CACNA2D1: variants seen among roughly 807,000 people sequenced by gnomAD.
CACNA2D1 encodes the protein voltage-dependent calcium channel subunit alpha-2/delta-1.
Under a neutral mutation model 171.5 loss-of-function variants are expected in CACNA2D1, and 53 were observed. The ratio of observed to expected loss-of-function variants is 0.31; its 90% CI spans 0.25 to 0.39. The LOEUF (loss-of-function observed/expected upper bound fraction) is 0.39, where lower values mean the gene tolerates loss of function less well. Ranked by LOEUF, CACNA2D1 falls within the 10% of genes least tolerant of loss-of-function variation. The pLI is 1.00. For synonymous variants in CACNA2D1, 442 were observed against 443.1 expected (o/e 1.00, Z 0.03); for missense variants, 903 against 1,299.8 (o/e 0.69, Z 4.69).
chr7:82,025,893 A>C (rs1211618008), intron 12 of CACNA2D1, among the ~76,000 whole-genome samples: 5 of 151,770 alleles, frequency 3.3e-5, no homozygotes, highest in Non-Finnish European at 3.0e-5. Flanking sequence ...CAAGCTTTCT[A>C]GTATTATTGT....
Position 82,137,005 on chromosome 7 carries a change from T to A in CACNA2D1, c.355-329A>T, listed in dbSNP as rs145499339. Among the ~76,000 whole-genome samples, 944 of 152,272 alleles carry A rather than the reference T, an allele frequency of 6.2e-3. 11 individuals are homozygous for A. The highest frequency in any genetic ancestry group is 0.022 in the African/African-American group (906 of 41,552). On this transcript the variant is annotated intron_variant, in intron 4 of 38. Transcript: ENST00000356860. Reference sequence around the variant, plus strand: ...ATATATTAATACACAATGAACAGGATAATTCAAGAAGCATGTAAGATACGT... The same window carrying A: ...ATATATTAATACACAATGAACAGGAAAATTCAAGAAGCATGTAAGATACGT...
chr7:82,283,598 A>C (rs74519326), intron 3 of CACNA2D1, among the ~76,000 whole-genome samples: 8,084 of 152,204 alleles, frequency 0.053, 709 homozygotes, highest in African/African-American at 0.18. Context: ...TAGGAGTAAA[A>C]ATGATATGGT....
intron 6 of CACNA2D1, among the ~76,000 whole-genome samples, chr7:82,088,234 T>C (rs1399847494): frequency 1.3e-5 from 2 of 152,184 alleles, no homozygotes; most frequent in Admixed American, 1.3e-4. Flanking sequence ...TTCTCTATTC[T>C]TAGACAGTAT....
At chr7:82,266,598 C>A (rs1214978381) in intron 3 of CACNA2D1, among the ~76,000 whole-genome samples, 1 of 150,700 alleles carries the variant, frequency 6.6e-6, no homozygotes, top group Non-Finnish European at 1.5e-5. Flanking sequence ...CTCACTGCAA[C>A]CTCCGCCTCC....
intron 1 of CACNA2D1, among the ~76,000 whole-genome samples, chr7:82,432,037 T>TAAAAAAAAAAAAAAAAAAAAAAAAA (rs34180150): frequency 8.5e-5 from 7 of 82,216 alleles, no homozygotes; most frequent in African/African-American, 5.3e-4. Context: ...GACTCTGTCT[T>TAAAAAAAAAAAAAAAAAAAAAAAAA]AAAAAAAAAA....
intron 8 of CACNA2D1, 80 bp from the exon 9 acceptor site, chr7:82,064,434 TCTGAG>T: frequency 1.8e-6 from 2 of 1,082,398 alleles, no homozygotes; most frequent in Non-Finnish European, 2.8e-6. Context: ...ATTTACTGAC[TCTGAG>T]ACAAGGTTTT....
intron 3 of CACNA2D1, among the ~76,000 whole-genome samples, chr7:82,229,139 A>G (rs965864459): frequency 5.3e-5 from 8 of 152,200 alleles, no homozygotes; most frequent in Non-Finnish European, 2.9e-5. Context: ...TTTCCATTAT[A>G]TATCCCCATT....
chr7:82,075,271 G>GC (rs1808825595), intron 7 of CACNA2D1, among the ~76,000 whole-genome samples: 1 of 151,698 alleles, frequency 6.6e-6, no homozygotes, highest in Non-Finnish European at 1.5e-5. Flanking sequence ...TACTGAAGAT[G>GC]CCAGATAACA....
At chr7:82,221,896 A>C (rs2129252274) in intron 3 of CACNA2D1, among the ~76,000 whole-genome samples, 1 of 152,128 alleles carries the variant, frequency 6.6e-6, no homozygotes, top group Middle Eastern at 3.4e-3. Flanking sequence ...ATGAAGAAAA[A>C]AACTCAGTCT....
chr7:82,142,265 C>T (rs923076388), intron 4 of CACNA2D1, among the ~76,000 whole-genome samples: 2 of 152,154 alleles, frequency 1.3e-5, no homozygotes, highest in Non-Finnish European at 2.9e-5. Flanking sequence ...CCCAAATGGT[C>T]CATGCTAATA....
chr7:82,220,262 T>A (rs989810638), intron 3 of CACNA2D1, among the ~76,000 whole-genome samples: 1 of 152,194 alleles, frequency 6.6e-6, no homozygotes, highest in Non-Finnish European at 1.5e-5. Flanking sequence ...ATCAATAGAT[T>A]GACGGTAATT....
chr7:82,070,382 A>T (rs946226593), intron 7 of CACNA2D1, among the ~76,000 whole-genome samples: 4 of 152,156 alleles, frequency 2.6e-5, no homozygotes, highest in Non-Finnish European at 4.4e-5. Flanking sequence ...GCCTTAATGA[A>T]AAATCTGAAA....
Position 81,950,330 on chromosome 7 carries a change from G to A in CACNA2D1, c.*62C>T. 6.2e-7 allele frequency: 1 copy of A among 1,612,414 alleles called. No individual in the cohort carries two copies. Among genetic ancestry groups the A allele is most frequent in the African/African-American group, 1.3e-5 (1 of 74,924 alleles). On this transcript the variant is annotated 3_prime_UTR_variant, in exon 39 of 39. Coordinates refer to ENST00000356860, the MANE Select transcript of CACNA2D1 (RefSeq NM_000722.4). ...GCTGACCCTACGTTACTGTAATTGA[G>A]GGCAGGGCTCATGTTTTGGCAGGGT...
intron 1 of CACNA2D1, among the ~76,000 whole-genome samples, chr7:82,367,409 T>C (rs1481157623): frequency 6.6e-6 from 1 of 152,084 alleles, no homozygotes; most frequent in African/African-American, 2.4e-5. Context: ...GTCTCATTCC[T>C]TTAAGCACCA....
chr7:82,398,860 T>C (rs1034434190), intron 1 of CACNA2D1, among the ~76,000 whole-genome samples: 1 of 152,014 alleles, frequency 6.6e-6, no homozygotes, highest in Admixed American at 6.6e-5. Flanking sequence ...ATTACAGGCA[T>C]GAGCCACCAC....
At position 82,290,602 on chromosome 7, in the gene CACNA2D1, A is replaced by T. The variant is rs1182254029; in HGVS notation, c.294+44533T>A. On this transcript the variant is annotated intron_variant, in intron 3 of 38. Coordinates refer to ENST00000356860, the MANE Select transcript of CACNA2D1 (RefSeq NM_000722.4). ...ATTAAAAAAAAAAAAAAAGCCATGAATTTTTTTTTTTGAGAGGGAATTTCG... is the reference window on the plus strand; with the variant it reads ...ATTAAAAAAAAAAAAAAAGCCATGATTTTTTTTTTTTGAGAGGGAATTTCG... Among the ~76,000 whole-genome samples, 10 of 144,668 alleles carry T rather than the reference A, an allele frequency of 6.9e-5. No individual in the cohort carries two copies. The South Asian group carries it at 2.2e-3, about 32-fold the overall frequency. The allele number at this position is 144,668 out of a possible 152,430, so 94.9% of individuals were successfully genotyped here. A position where few individuals can be genotyped will look rare whatever the true frequency, so the allele number is the denominator to read the frequency against.
chr7:82,324,485 T>C (rs1413746102), intron 3 of CACNA2D1, among the ~76,000 whole-genome samples: 2 of 151,768 alleles, frequency 1.3e-5, no homozygotes, highest in Non-Finnish European at 2.9e-5. Flanking sequence ...GTAGAGAGTA[T>C]AGCACAGTTA....
intron 1 of CACNA2D1, among the ~76,000 whole-genome samples, chr7:82,422,264 C>T (rs1828782857): frequency 6.6e-6 from 1 of 152,148 alleles, no homozygotes; most frequent in African/African-American, 2.4e-5. Context: ...AAGATTTCAG[C>T]AGCTATCTCT....
intron 1 of CACNA2D1, among the ~76,000 whole-genome samples, chr7:82,441,677 G>T (rs1830513002): frequency 6.6e-6 from 1 of 152,046 alleles, no homozygotes; most frequent in East Asian, 1.9e-4. Flanking sequence ...TTCCCCAATG[G>T]TATGATGATG....
Sources: gnomAD v4.1 joint callset for allele counts (sites outside exome capture counted in the v4.1 genomes callset) on GRCh38, gnomAD v4.1.1 for gene constraint, MANE v1.5 for transcripts, NCBI Gene and HGNC (gene_info 2026-07-23, HGNC 2026-07-21) for gene names.